The following CUX1 variants were observed in gnomAD, a reference collection of about 807,000 sequenced individuals.
The protein encoded by CUX1 is cut like homeobox 1, also known as protein CASP.
CUX1 carries 31 observed loss-of-function variants against 158.8 expected under a neutral mutation model. That is an observed-to-expected ratio of 0.20 (90% CI 0.15 to 0.26). The LOEUF is 0.26. Among genes scored for constraint, CUX1 ranks in the 10% least tolerant of loss-of-function variants. CUX1 has a pLI of 1.00. For synonymous variants in CUX1, 879 were observed against 862.1 expected, an observed-to-expected ratio of 1.02 and a Z score of -0.34; for missense variants, 1,589 against 2,014.6, an observed-to-expected ratio of 0.79 and a Z score of 4.04.
intron 8 of CUX1, among the ~76,000 whole-genome samples, chr7:102,155,121 T>C (rs1470409291): frequency 6.6e-6 from 1 of 152,190 alleles, no homozygotes; most frequent in Non-Finnish European, 1.5e-5. Context: ...AGGAAACTTT[T>C]AGGGGTCTGA....
chr7:101,817,634 A>T lies in CUX1; in HGVS notation c.-6A>T, dbSNP rs1441065079. ...GCCGGGACAGCCCCGGGACTCTGCC[A>T]GGTGGATGTTGTGCGTAGCCGGAGC... On this transcript the variant is annotated 5_prime_UTR_variant, in exon 1 of 24. Transcript: ENST00000292535. The surrounding 1 kb of genome is among the most constrained non-coding windows in gnomAD (Gnocchi z 4.1). The T allele has an allele frequency of 6.4e-7, 1 of 1,550,708 alleles. No individual in the cohort carries two copies. Among genetic ancestry groups the T allele is most frequent in the African/African-American group, 1.4e-5 (1 of 73,094 alleles).
intron 1 of CUX1, among the ~76,000 whole-genome samples, chr7:101,879,009 T>C (rs1799443300): frequency 6.6e-6 from 1 of 152,214 alleles, no homozygotes; most frequent in African/African-American, 2.4e-5. Context: ...GGTATTTTTT[T>C]CGAGAATTCT....
intron 20 of CUX1, among the ~76,000 whole-genome samples, chr7:102,225,860 G>C (rs1324913654): frequency 6.6e-6 from 1 of 152,202 alleles, no homozygotes; most frequent in Non-Finnish European, 1.5e-5. Flanking sequence ...GGAGCAGAGA[G>C]CATGGCCTGG....
chr7:101,956,481 C>G (rs1809798295), intron 2 of CUX1, among the ~76,000 whole-genome samples: 1 of 152,056 alleles, frequency 6.6e-6, no homozygotes, highest in Non-Finnish European at 1.5e-5. Flanking sequence ...AAAAAAAAAT[C>G]AGATGGATTA....
intron 14 of CUX1, among the ~76,000 whole-genome samples, chr7:102,270,079 C>T (rs1376742635): frequency 6.6e-6 from 1 of 152,254 alleles, no homozygotes; most frequent in African/African-American, 2.4e-5. Context: ...GTGTCCTCGC[C>T]CCAGAGCCCT....
chr7:102,051,412 C>G (rs551104843), intron 3 of CUX1, among the ~76,000 whole-genome samples: 8 of 151,786 alleles, frequency 5.3e-5, no homozygotes, highest in African/African-American at 1.9e-4. Flanking sequence ...CTTTGAGAGA[C>G]TGACGCGGGC....
chr7:102,175,894 G>A (rs868977441), intron 10 of CUX1, among the ~76,000 whole-genome samples: 2 of 152,222 alleles, frequency 1.3e-5, no homozygotes, highest in African/African-American at 2.4e-5. Context: ...ATGCCGAATC[G>A]CTATAAAAGT....
chr7:101,942,903 C>G (rs1025583114), intron 2 of CUX1, among the ~76,000 whole-genome samples: 1 of 152,162 alleles, frequency 6.6e-6, no homozygotes, highest in South Asian at 2.1e-4. Flanking sequence ...TTGGTTCCAT[C>G]GGCTGCTGGG....
chr7:102,232,993 G>C (rs1440291411), intron 21 of CUX1, among the ~76,000 whole-genome samples: 1 of 152,068 alleles, frequency 6.6e-6, no homozygotes, highest in Non-Finnish European at 1.5e-5. Context: ...TTTTCTCAGC[G>C]AGACCTGATA....
At chr7:102,019,271 A>G (rs1415286042) in intron 2 of CUX1, among the ~76,000 whole-genome samples, 1 of 148,690 alleles carries the variant, frequency 6.7e-6, no homozygotes, top group African/African-American at 2.5e-5. Flanking sequence ...TCTGTTGCCC[A>G]GGCTGGAGTG....
intron 1 of CUX1, among the ~76,000 whole-genome samples, chr7:101,888,277 G>A (rs551669540): frequency 9.1e-4 from 139 of 152,200 alleles, no homozygotes; most frequent in Non-Finnish European, 1.5e-3. Flanking sequence ...GTTGTAGTGA[G>A]CCGAGATCGT....
At chr7:101,990,149 G>A (rs946923058) in intron 2 of CUX1, among the ~76,000 whole-genome samples, 1 of 152,012 alleles carries the variant, frequency 6.6e-6, no homozygotes, top group Non-Finnish European at 1.5e-5. Context: ...TCTTGAACCC[G>A]GGATTTTGAG....
At chr7:102,184,341 T>C (rs545660590) in intron 11 of CUX1, among the ~76,000 whole-genome samples, 3 of 152,372 alleles carry the variant, frequency 2.0e-5, no homozygotes, top group South Asian at 2.1e-4. Context: ...AGGACCCAGC[T>C]GGGGAGCACC....
chr7:101,910,462 G>C (rs1803290072), intron 1 of CUX1, among the ~76,000 whole-genome samples: 1 of 151,988 alleles, frequency 6.6e-6, no homozygotes, highest in Admixed American at 6.6e-5. Context: ...CACTTTAAAG[G>C]TGAACAAATC....
At chr7:101,944,819 C>T (rs1239755176) in intron 2 of CUX1, among the ~76,000 whole-genome samples, 1 of 152,204 alleles carries the variant, frequency 6.6e-6, no homozygotes, top group Admixed American at 6.5e-5. Flanking sequence ...CAGGTGGGCA[C>T]ACCCAGGTTG....
At chr7:101,828,264 C>A (rs1025737143) in intron 1 of CUX1, among the ~76,000 whole-genome samples, 4 of 151,954 alleles carry the variant, frequency 2.6e-5, no homozygotes, top group Admixed American at 2.6e-4. Flanking sequence ...GCCACCATAC[C>A]CAGCCCCACT....
chr7:102,101,645 C>T (rs906772752), intron 5 of CUX1, among the ~76,000 whole-genome samples: 1 of 152,178 alleles, frequency 6.6e-6, no homozygotes. Flanking sequence ...CATGGTGGCT[C>T]ATGCCTGTAA....
chr7:102,097,347 GT>G lies in CUX1; in HGVS notation c.269-13del. ...TTGCTGGCCGAGTGGGGTGATGGCT[GT>G]TTTCCTGTTGTGCAGATCCCGTACC... On this transcript the variant is annotated splice_polypyrimidine_tract_variant and intron_variant, in intron 4 of 23. Coordinates refer to ENST00000292535, the MANE Select transcript of CUX1 (RefSeq NM_181552.4). 1 of 1,599,306 alleles carries G rather than the reference GT, an allele frequency of 6.3e-7. No individual in the cohort carries two copies. The highest frequency in any genetic ancestry group is 8.5e-7 in the Non-Finnish European group (1 of 1,175,606).
intron 8 of CUX1, among the ~76,000 whole-genome samples, chr7:102,120,055 G>A (rs1455962343): frequency 2.0e-5 from 3 of 152,168 alleles, no homozygotes; most frequent in Admixed American, 1.3e-4. Context: ...GAATCACGCA[G>A]CAGTAGGCAG....
Sources: allele counts gnomAD v4.1 joint callset (sites outside exome capture counted in the v4.1 genomes callset), GRCh38; gene constraint gnomAD v4.1.1; non-coding constraint Gnocchi (gnomAD v3.1); transcripts MANE v1.5; gene names NCBI Gene and HGNC (gene_info 2026-07-23, HGNC 2026-07-21).